Variants in SBF1 observed in about 807,000 individuals in gnomAD.
SBF1 encodes myotubularin-related protein 5.
In SBF1, 65 loss-of-function variants were observed where a neutral mutation model predicts 215.8. The ratio of observed to expected loss-of-function variants is 0.30; its 90% CI spans 0.25 to 0.37. The LOEUF is 0.37. SBF1 is among the 10% of genes least tolerant of loss of function. The pLI, the probability that SBF1 is intolerant of heterozygous loss-of-function variation, is 1.00. For missense variants in SBF1, 2,634 were observed against 2,667.8 expected (o/e 0.99, Z 0.28); for synonymous variants, 1,410 against 1,122.8 (o/e 1.26, Z -5.11).
At chr22:50,449,635 C>CAA (rs2066968572) in intron 36 of SBF1, among the ~76,000 whole-genome samples, 3 of 128,144 alleles carry the variant, frequency 2.3e-5, no homozygotes, top group African/African-American at 7.7e-5. Flanking sequence ...AACACACACA[C>CAA]ACACACACAC....
chr22:50,466,267 G>A lies in SBF1; in HGVS notation c.789-9C>T. The A allele has an allele frequency of 6.2e-7, 1 of 1,613,424 alleles. No individual in the cohort carries two copies. Among genetic ancestry groups the A allele is most frequent in the Non-Finnish European group, 8.5e-7 (1 of 1,179,954 alleles). ...TGGGCACATAGGTGAAGCTGTGCAG[G>A]CCCCAGAGGATGCAGTGAGCCAGGG... On this transcript the variant is annotated splice_polypyrimidine_tract_variant and intron_variant, in intron 7 of 40. Coordinates refer to ENST00000380817, the MANE Select transcript of SBF1 (RefSeq NM_002972.4).
Position 50,462,662 on chromosome 22 carries a change from A to G in SBF1, c.2024T>C (p.Val675Ala), listed in dbSNP as rs996404045. ...FAYSCVQEHV[V>A]WSTPQFWEAM... The stretch of plus-strand genomic sequence containing the variant: ...CTCCCAGAACTGTGGCGTGCTCCAC[A>G]CCACGTGCTCCTGCACACAGCTGTA... Residue 675 changes from valine (V) to alanine (A), a missense_variant, in exon 18 of 41, where the codon GTG (valine) becomes GCG (alanine). By Grantham distance (64) the Val-to-Ala change is moderately conservative. Coordinates refer to ENST00000380817, the MANE Select transcript of SBF1 (RefSeq NM_002972.4). The G allele has an allele frequency of 2.1e-5, 34 of 1,612,454 alleles. No homozygotes were observed. Among genetic ancestry groups the G allele is most frequent in the Non-Finnish European group, 2.7e-5 (32 of 1,179,680 alleles).
rs545652450 is a variant in SBF1 at position 50,456,097 on chromosome 22, A to G, written c.4266+119T>C. 10 of 1,112,298 alleles carry G rather than the reference A, an allele frequency of 9.0e-6. No individual in the cohort carries two copies. In the African/African-American group the frequency reaches 1.6e-4, roughly 18 times the overall value. 68.9% of individuals were successfully genotyped at this position (1,112,298 alleles called of 1,614,324 possible). ...AGAGCCTGGGTGGGAAGTGGCTGTCACCTCCTCCTTCCAGCGCTCCACACT... is the reference window on the plus strand; with the variant it reads ...AGAGCCTGGGTGGGAAGTGGCTGTCGCCTCCTCCTTCCAGCGCTCCACACT... On this transcript the variant is annotated intron_variant, in intron 31 of 40. Transcript: ENST00000380817.
chr22:50,468,071 C>A, intron 2 of SBF1, 148 bp from the exon 3 acceptor site: 5 of 1,017,420 alleles, frequency 4.9e-6, no homozygotes, highest in Non-Finnish European at 5.7e-6. Flanking sequence ...ACGTGGCCTC[C>A]TGGGCCTCAG....
intron 28 of SBF1, 74 bp downstream of exon 28, chr22:50,459,181 C>A (rs2148582160): frequency 6.5e-7 from 1 of 1,527,704 alleles, no homozygotes; most frequent in South Asian, 1.3e-5. Context: ...CCCTGGCCTG[C>A]CTGCCAAACC....
chr22:50,450,146 C>T (rs545596133), intron 36 of SBF1, among the ~76,000 whole-genome samples: 6 of 152,324 alleles, frequency 3.9e-5, no homozygotes, highest in African/African-American at 1.4e-4. Context: ...AGACAGAGCC[C>T]TCCTTGAGTC....
chr22:50,469,405 G>A (rs2067914815), intron 1 of SBF1, among the ~76,000 whole-genome samples: 1 of 152,212 alleles, frequency 6.6e-6, no homozygotes, highest in African/African-American at 2.4e-5. Context: ...CCAGGGCCCT[G>A]TTTCCAGGCC....
rs1556417419 is a variant in SBF1 at position 50,449,625 on chromosome 22, A to ACACAC, written c.5044-976_5044-975insGTGTG. ...GTGAGATTCTGTCTCAAAACACACA[A>ACACAC]ACACACACACACACACACACACACA... On this transcript the variant is annotated intron_variant, in intron 36 of 40. Coordinates refer to ENST00000380817, the MANE Select transcript of SBF1 (RefSeq NM_002972.4). Among the ~76,000 whole-genome samples, 623 of 146,948 alleles carry ACACAC rather than the reference A, an allele frequency of 4.2e-3. 3 individuals are homozygous for ACACAC. Among genetic ancestry groups the ACACAC allele is most frequent in the East Asian group, 5.6e-3 (28 of 4,976 alleles).
chr22:50,456,621 A>G lies in SBF1; in HGVS notation c.3957T>C (p.Asp1319=). The change falls in exon 30 of 41, where the codon GAT becomes GAC. Residue 1319 remains aspartate, a synonymous_variant. Transcript: ENST00000380817. ...CTCTGCCAGCTAGCCGGGAGCCCAC[A>G]TCGGTGCCAAGGCCACTGCTGCGTC... ...TSGRSSGLGT[D]VGSRLAGRDA... The G allele has an allele frequency of 1.3e-6, 2 of 1,518,302 alleles. No individual in the cohort carries two copies. Among genetic ancestry groups the G allele is most frequent in the Non-Finnish European group, 8.8e-7 (1 of 1,135,132 alleles). The allele number at this position is 1,518,302 out of a possible 1,614,324, so 94.1% of individuals were successfully genotyped here.
At position 50,447,189 on chromosome 22, in the gene SBF1, C is replaced by A; in HGVS notation, c.5635G>T (p.Ala1879Ser). 1 of 1,613,606 alleles carries A rather than the reference C, an allele frequency of 6.2e-7. No homozygotes were observed. The highest frequency in any genetic ancestry group is 8.5e-7 in the Non-Finnish European group (1 of 1,179,966). ...TGGATCCGGTCCACCCACTGCTGGG[C>A]CGAGGGCACGTCCTGGGCACAGAAG... Reference protein sequence around the residue: ...YNFCAQDVPSAQQWVDRIQSC... With the variant: ...YNFCAQDVPSSQQWVDRIQSC... Residue 1879 changes from alanine (A) to serine (S), a missense_variant, in exon 41 of 41, where the codon GCC becomes TCC. Physicochemically the swap from Ala to Ser is moderately conservative, Grantham distance 99 (BLOSUM62 1). Coordinates refer to ENST00000380817, the MANE Select transcript of SBF1 (RefSeq NM_002972.4).
intron 29 of SBF1, 74 bp downstream of exon 29, chr22:50,456,960 A>G (rs527468551): frequency 1.6e-6 from 2 of 1,234,806 alleles, no homozygotes; most frequent in African/African-American, 3.1e-5. Context: ...TAGTGCCCGC[A>G]ATAACTCAGT....
At chr22:50,472,899 T>G (rs1311670677) in intron 1 of SBF1, among the ~76,000 whole-genome samples, 2 of 152,164 alleles carry the variant, frequency 1.3e-5, no homozygotes, top group African/African-American at 2.4e-5. Flanking sequence ...CAGAAGGTAG[T>G]GGGTACAGGG....
chr22:50,469,673 A>G (rs1267158379), intron 1 of SBF1, among the ~76,000 whole-genome samples: 2 of 152,094 alleles, frequency 1.3e-5, no homozygotes, highest in African/African-American at 2.4e-5. Flanking sequence ...ACCGCCACCC[A>G]CCTGGCGGAA....
At chr22:50,457,375 C>T in intron 28 of SBF1, 1 of 410,576 alleles carries the variant, frequency 2.4e-6, no homozygotes, top group Non-Finnish European at 4.3e-6. Context: ...CTAACACTTC[C>T]TTTCTTCCCA....
chr22:50,461,507 G>C lies in SBF1; in HGVS notation c.2839+16C>G, dbSNP rs1428298087. ...GGGGAGAGGGGGCGACAGGGCCAGAGAGTCTGCAGGCTCACCCAGGGGGTC... is the reference window on the plus strand; with the variant it reads ...GGGGAGAGGGGGCGACAGGGCCAGACAGTCTGCAGGCTCACCCAGGGGGTC... On this transcript the variant is annotated intron_variant, in intron 22 of 40. Transcript: ENST00000380817. 1.3e-6 allele frequency: 2 copies of C among 1,584,304 alleles called. No homozygotes were observed. The highest frequency in any genetic ancestry group is 1.3e-5 in the African/African-American group (1 of 74,446).
intron 1 of SBF1, 136 bp downstream of exon 1, chr22:50,474,650 C>T (rs1030854134): frequency 1.4e-5 from 9 of 635,944 alleles, no homozygotes; most frequent in African/African-American, 1.2e-4. Flanking sequence ...AGCGCCCGGC[C>T]CTCAGTCCTC....
Position 50,466,729 on chromosome 22 carries a change from C to A in SBF1, c.550-19G>T. The stretch of plus-strand genomic sequence containing the variant: ...TCGTCCTCTGCAGCAAAAAAAGGAT[C>A]GGGGCTCAGTAGTTTGGCCAGAGCC... On this transcript the variant is annotated intron_variant, in intron 5 of 40. Transcript: ENST00000380817. 1 of 1,497,632 alleles carries A rather than the reference C, an allele frequency of 6.7e-7. No individual in the cohort carries two copies. The highest frequency in any genetic ancestry group is 1.3e-5 in the South Asian group (1 of 78,660). 92.8% of individuals were successfully genotyped at this position (1,497,632 alleles called of 1,614,324 possible).
chr22:50,471,243 G>A (rs1380130785), intron 1 of SBF1, among the ~76,000 whole-genome samples: 1 of 152,214 alleles, frequency 6.6e-6, no homozygotes, highest in East Asian at 1.9e-4. Flanking sequence ...ACAACACTGG[G>A]GCTTCTGTCC....
Position 50,446,355 on chromosome 22 carries a change from G to GTCC in SBF1, c.*784_*786dup, listed in dbSNP as rs1569507227. 6.0e-5 allele frequency: 3 copies of GTCC among 49,590 alleles called. 1 individual carries two copies. Among genetic ancestry groups the GTCC allele is most frequent in the African/African-American group, 2.9e-4 (3 of 10,230 alleles). 3.1% of individuals were successfully genotyped at this position (49,590 alleles called of 1,614,324 possible). ...ACCTGCATTCCCCTGGGAGCCCACT[G>GTCC]TCCCCCCCCCCCCCCCGCCTCCGGC... On this transcript the variant is annotated 3_prime_UTR_variant, in exon 41 of 41. Transcript: ENST00000380817.
Sources: allele counts gnomAD v4.1 joint callset (sites outside exome capture counted in the v4.1 genomes callset), GRCh38; gene constraint gnomAD v4.1.1; transcripts MANE v1.5; gene names NCBI Gene and HGNC (gene_info 2026-07-23, HGNC 2026-07-21).